PHYHD1: variants seen among roughly 807,000 people sequenced by gnomAD.
PHYHD1 encodes phytanoyl-CoA dioxygenase domain-containing protein 1.
Under a neutral mutation model 43.6 loss-of-function variants are expected in PHYHD1, and 42 were observed. The ratio of observed to expected loss-of-function variants is 0.96; its 90% CI spans 0.75 to 1.25. PHYHD1 has a LOEUF of 1.25. PHYHD1 is among the 50% of genes most tolerant of loss of function. The pLI, the probability that PHYHD1 is intolerant of heterozygous loss-of-function variation, is 0.00. For missense variants in PHYHD1, 342 were observed against 370.8 expected (o/e 0.92, Z 0.64); for synonymous variants, 139 against 143.6 (o/e 0.97, Z 0.23).
chr9:128,937,624 G>A lies in PHYHD1; in HGVS notation c.436-133G>A, dbSNP rs528864014. 42 of 1,010,974 alleles carry A rather than the reference G, an allele frequency of 4.2e-5. No homozygotes were observed. In the East Asian group the frequency reaches 1.1e-3, roughly 26 times the overall value. 62.6% of individuals were successfully genotyped at this position (1,010,974 alleles called of 1,614,324 possible). On this transcript the variant is annotated intron_variant, in intron 8 of 12. Transcript: ENST00000372592. ...GGGGCTGGCATATGGTAGGTGCTCA[G>A]TAGCTGGGTGTTGATGTGGAATCCT... is the stretch of plus-strand genomic sequence containing the variant.
rs758538624 is a variant in PHYHD1, at chr9:128,941,395, AG to A, written c.704-44del. The A allele has an allele frequency of 3.1e-6, 5 of 1,601,438 alleles. No homozygotes were observed. The South Asian group carries it at 4.4e-5, about 14-fold the overall frequency. On this transcript the variant is annotated intron_variant, in intron 11 of 12. Coordinates refer to ENST00000372592, the MANE Select transcript of PHYHD1 (RefSeq NM_001100876.2). Reference sequence around the variant, plus strand: ...GCCCATGTCCCTTCCTGCTCTGGGGAGGGGGGATGTGGGGCTGGTAGGTTCC... The same window carrying A: ...GCCCATGTCCCTTCCTGCTCTGGGGAGGGGGATGTGGGGCTGGTAGGTTCC...
At chr9:128,933,517 C>T (rs1393373417) in intron 4 of PHYHD1, among the ~76,000 whole-genome samples, 1 of 152,114 alleles carries the variant, frequency 6.6e-6, no homozygotes, top group Non-Finnish European at 1.5e-5. Flanking sequence ...GCTAGGGAAC[C>T]AGCCCTATTC....
intron 4 of PHYHD1, among the ~76,000 whole-genome samples, chr9:128,928,922 A>G (rs1395103526): frequency 6.6e-6 from 1 of 152,174 alleles, no homozygotes; most frequent in Admixed American, 6.6e-5. Flanking sequence ...AAGTTGGATA[A>G]AACTGATAAT....
intron 4 of PHYHD1, among the ~76,000 whole-genome samples, chr9:128,932,181 A>ATTTTTTTTT (rs1265015070): frequency 3.7e-5 from 4 of 107,710 alleles, no homozygotes; most frequent in African/African-American, 1.8e-4. Flanking sequence ...TATTATTATT[A>ATTTTTTTTT]TTATTTTTTT....
chr9:128,932,281 C>T (rs1216785254), intron 4 of PHYHD1, among the ~76,000 whole-genome samples: 4 of 150,918 alleles, frequency 2.7e-5, no homozygotes, highest in Non-Finnish European at 5.9e-5. Context: ...TGGGTTCAAG[C>T]GATTCTCCTG....
At chr9:128,928,653 A>C (rs1483409491) in intron 4 of PHYHD1, among the ~76,000 whole-genome samples, 1 of 152,052 alleles carries the variant, frequency 6.6e-6, no homozygotes, top group Non-Finnish European at 1.5e-5. Context: ...CAGTGGGCCA[A>C]GATCATGCCA....
rs763115823 is a variant in PHYHD1, at chr9:128,941,794, G to A, written c.*81G>A. Reference sequence around the variant, plus strand: ...ACACCAGTGCCTTGCTCAGCCTCCTGGTTGCAACAGGGAGGTCTTGTCTCC... The same window carrying A: ...ACACCAGTGCCTTGCTCAGCCTCCTAGTTGCAACAGGGAGGTCTTGTCTCC... On this transcript the variant is annotated 3_prime_UTR_variant, in exon 13 of 13. Coordinates refer to ENST00000372592, the MANE Select transcript of PHYHD1 (RefSeq NM_001100876.2). 1.4e-5 allele frequency: 22 copies of A among 1,588,302 alleles called. No individual in the cohort carries two copies. The highest frequency in any genetic ancestry group is 1.9e-5 in the Non-Finnish European group (22 of 1,158,474).
At chr9:128,934,962 G>A (rs146693021) in intron 6 of PHYHD1, among the ~76,000 whole-genome samples, 1 of 152,198 alleles carries the variant, frequency 6.6e-6, no homozygotes, top group African/African-American at 2.4e-5. Context: ...TCTACTGCCT[G>A]GCCTGGGGGA....
chr9:128,925,828 G>C (rs939434116), intron 3 of PHYHD1, among the ~76,000 whole-genome samples: 1 of 151,752 alleles, frequency 6.6e-6, no homozygotes, highest in African/African-American at 2.4e-5. Context: ...CCCATATCCT[G>C]CTCCCTCTGT....
At chr9:128,940,010 G>T (rs1188275346) in intron 9 of PHYHD1, among the ~76,000 whole-genome samples, 1 of 152,146 alleles carries the variant, frequency 6.6e-6, no homozygotes, top group African/African-American at 2.4e-5. Context: ...GGGGCCGCTT[G>T]TCCCTGGTTA....
At chr9:128,934,094 G>C in intron 6 of PHYHD1, 36 bp downstream of exon 6, 1 of 1,600,598 alleles carries the variant, frequency 6.2e-7, no homozygotes, top group Non-Finnish European at 8.6e-7. Context: ...AAAGAAGATC[G>C]GGGAACAGGC....
At chr9:128,931,787 A>G (rs141737627) in intron 4 of PHYHD1, among the ~76,000 whole-genome samples, 2,679 of 151,980 alleles carry the variant, frequency 0.018, 81 homozygotes, top group African/African-American at 0.06. Flanking sequence ...TCAGCCTCCC[A>G]AAGTGCTGGG....
chr9:128,941,509 G>A lies in PHYHD1; in HGVS notation c.768G>A (p.Ser256=), dbSNP rs773749559. ...HKSKQNLSDR[S]RQAYTFHLME... ...GCAAGCAGAACCTCTCTGACCGCTCGCGCCAGGCCTACACTTTCCACCTCA... is the reference window on the plus strand; with the variant it reads ...GCAAGCAGAACCTCTCTGACCGCTCACGCCAGGCCTACACTTTCCACCTCA... The change falls in exon 12 of 13, where the codon TCG becomes TCA. Residue 256 remains serine (S), a synonymous_variant. Transcript: ENST00000372592. 42 of 1,613,914 alleles carry A rather than the reference G, an allele frequency of 2.6e-5. No homozygotes were observed. Among genetic ancestry groups the A allele is most frequent in the African/African-American group, 1.2e-4 (9 of 74,878 alleles).
chr9:128,934,414 A>G (rs890775269), intron 6 of PHYHD1, among the ~76,000 whole-genome samples: 5 of 150,814 alleles, frequency 3.3e-5, no homozygotes, highest in Non-Finnish European at 7.4e-5. Context: ...AAAAAAAAGA[A>G]AAGGAAAAAG....
intron 3 of PHYHD1, among the ~76,000 whole-genome samples, chr9:128,924,350 G>T (rs371033622): frequency 6.6e-6 from 1 of 150,540 alleles, no homozygotes. Context: ...CCCGGGAGGC[G>T]GAGCTTGCAG....
intron 4 of PHYHD1, among the ~76,000 whole-genome samples, chr9:128,928,909 T>C (rs183553424): frequency 6.6e-6 from 1 of 152,298 alleles, no homozygotes; most frequent in African/African-American, 2.4e-5. Flanking sequence ...TTTACAACAC[T>C]GTAAGTTGGA....
chr9:128,933,995 G>A lies in PHYHD1; in HGVS notation c.269-16G>A, dbSNP rs1194938921. On this transcript the variant is annotated splice_polypyrimidine_tract_variant and intron_variant, in intron 5 of 12. Transcript: ENST00000372592. ...GGACACCAGTTCTCTGCCTTTATCT[G>A]TTCTTTGTGCCACAGGAAATTTCCT... The A allele has an allele frequency of 1.2e-6, 2 of 1,613,900 alleles. No individual in the cohort carries two copies. The highest frequency in any genetic ancestry group is 1.7e-6 in the Non-Finnish European group (2 of 1,179,922).
rs1167829708 is a variant in PHYHD1 at position 128,939,471 on chromosome 9, A to T, written c.458-898A>T. Among the ~76,000 whole-genome samples the T allele has an allele frequency of 8.3e-5, 10 of 120,730 alleles. 1 individual carries two copies. The highest frequency in any genetic ancestry group is 3.8e-5 in the Non-Finnish European group (2 of 52,016). The allele number at this position is 120,730 out of a possible 152,430, so 79.2% of individuals were successfully genotyped here. On this transcript the variant is annotated intron_variant, in intron 9 of 12. Transcript: ENST00000372592. Reference sequence around the variant, plus strand: ...TCAGGCACCTGTAATCCCAGCTACTAGGGAGGCTGAAGCAGGAGAATCACT... The same window carrying T: ...TCAGGCACCTGTAATCCCAGCTACTTGGGAGGCTGAAGCAGGAGAATCACT...
chr9:128,940,360 C>G lies in PHYHD1; in HGVS notation c.458-9C>G, dbSNP rs1841525389. On this transcript the variant is annotated splice_polypyrimidine_tract_variant and intron_variant, in intron 9 of 12. Transcript: ENST00000372592. ...GGATGAGCTCCTCACCCCCCGTGGG[C>G]CTGCTTAGTCTCCCCTCATCAGGAC... 4 of 1,613,958 alleles carry G rather than the reference C, an allele frequency of 2.5e-6. No homozygotes were observed. Among genetic ancestry groups the G allele is most frequent in the Non-Finnish European group, 3.4e-6 (4 of 1,179,892 alleles).
Sources: allele counts gnomAD v4.1 joint callset (sites outside exome capture counted in the v4.1 genomes callset), GRCh38; gene constraint gnomAD v4.1.1; transcripts MANE v1.5; gene names NCBI Gene and HGNC (gene_info 2026-07-23, HGNC 2026-07-21).